DBR1: variants seen among roughly 807,000 people sequenced by gnomAD.
The protein encoded by DBR1 is lariat debranching enzyme.
A neutral mutation model predicts 45.9 loss-of-function variants in DBR1; 33 were observed. The observed-to-expected ratio is 0.72, with a 90% CI of 0.55 to 0.96. The LOEUF (loss-of-function observed/expected upper bound fraction) is 0.96, where lower values mean the gene tolerates loss of function less well. Among genes scored for constraint, DBR1 ranks in the 40% least tolerant of loss-of-function variants. The pLI is 0.00. For synonymous variants in DBR1, 235 were observed against 235.9 expected (o/e 1.00, Z 0.04); for missense variants, 619 against 667.4 (o/e 0.93, Z 0.80).
Position 138,173,634 on chromosome 3 carries a change from A to C in DBR1, c.198-8T>G, listed in dbSNP as rs1379131278. The C allele has an allele frequency of 1.2e-6, 2 of 1,608,932 alleles. No homozygotes were observed. The highest frequency in any genetic ancestry group is 1.7e-6 in the Non-Finnish European group (2 of 1,178,136). On this transcript the variant is annotated splice_region_variant and splice_polypyrimidine_tract_variant and intron_variant, in intron 1 of 7. Coordinates refer to ENST00000260803, the MANE Select transcript of DBR1 (RefSeq NM_016216.4). The stretch of plus-strand genomic sequence containing the variant: ...TTCTCTCCAGAGTAATACCTAGAAC[A>C]TAAGAGCAAAGTCAGTTACCACAAT...
chr3:138,169,694 G>C (rs1235964921), intron 4 of DBR1, among the ~76,000 whole-genome samples: 2 of 152,098 alleles, frequency 1.3e-5, no homozygotes, highest in Non-Finnish European at 2.9e-5. Flanking sequence ...CACTTTGGGA[G>C]GCCAAGGCAG....
rs763073205 is a variant in DBR1, at chr3:138,163,448, T to C, written c.842A>G (p.Tyr281Cys). The change falls in exon 7 of 8, where the codon TAT becomes TGT. Residue 281 changes from tyrosine (Y) to cysteine (C), a missense_variant. Transcript: ENST00000260803. ...GAGAATAGTGAGCCATTCAATATCATATTCCAAGTAATCAGGAGCACTGGG... is the reference window on the plus strand; with the variant it reads ...GAGAATAGTGAGCCATTCAATATCACATTCCAAGTAATCAGGAGCACTGGG... Reference protein sequence around the residue: ...HDPSAPDYLEYDIEWLTILRA... With the variant: ...HDPSAPDYLECDIEWLTILRA... The C allele has an allele frequency of 1.2e-6, 2 of 1,611,884 alleles. No homozygotes were observed. The highest frequency in any genetic ancestry group is 1.1e-5 in the South Asian group (1 of 90,968).
intron 4 of DBR1, among the ~76,000 whole-genome samples, chr3:138,168,291 G>C (rs996051838): frequency 1.3e-5 from 2 of 150,718 alleles, no homozygotes; most frequent in African/African-American, 4.9e-5. Context: ...GCCGAGGTGG[G>C]TGGATCGCCT....
Position 138,161,946 on chromosome 3 carries a change from C to A in DBR1, c.1578G>T (p.Lys526Asn). ...CAGCGTAAATGGCTTGATTCCTCCT[C>A]TTAATTTTCTTTCTTTGTTCAGGTT... ...EHEPEQRKKI[K>N]RRNQAIYAAV... Residue 526 changes from lysine to asparagine, a missense_variant, in exon 8 of 8, where the codon AAG (lysine) becomes AAT (asparagine). This residue lies in a region of DBR1 where 182 missense variants were observed against 196.1 expected (regional missense o/e 0.93). Transcript: ENST00000260803. 5.0e-6 allele frequency: 8 copies of A among 1,614,180 alleles called. No individual in the cohort carries two copies. Among genetic ancestry groups the A allele is most frequent in the Non-Finnish European group, 6.8e-6 (8 of 1,180,034 alleles).
chr3:138,164,939 G>T (rs2042923653), intron 5 of DBR1, among the ~76,000 whole-genome samples: 1 of 151,942 alleles, frequency 6.6e-6, no homozygotes, highest in Non-Finnish European at 1.5e-5. Flanking sequence ...GAGCCACCAT[G>T]CCAAAACATA....
At chr3:138,165,022 C>T (rs908973723) in intron 5 of DBR1, among the ~76,000 whole-genome samples, 6 of 150,954 alleles carry the variant, frequency 4.0e-5, no homozygotes, top group African/African-American at 9.8e-5. Flanking sequence ...CAGAAAGAAA[C>T]GTGGAAAGAA....
At chr3:138,167,544 C>A (rs1274385211) in intron 4 of DBR1, among the ~76,000 whole-genome samples, 1 of 152,178 alleles carries the variant, frequency 6.6e-6, no homozygotes, top group Admixed American at 6.5e-5. Flanking sequence ...AGTGGCAAGG[C>A]AAGGCAATGG....
chr3:138,165,128 A>C (rs987868669), intron 5 of DBR1, among the ~76,000 whole-genome samples: 17 of 152,188 alleles, frequency 1.1e-4, no homozygotes, highest in African/African-American at 3.9e-4. Flanking sequence ...TCTAAAAGGC[A>C]GTTGTGATCT....
chr3:138,167,668 G>T (rs545451608), intron 4 of DBR1, among the ~76,000 whole-genome samples: 6 of 152,156 alleles, frequency 3.9e-5, no homozygotes, highest in African/African-American at 1.4e-4. Flanking sequence ...ATTTTGGGCC[G>T]GGCGCGGTGG....
Position 138,161,578 on chromosome 3 carries a change from G to A in DBR1, c.*311C>T. 1 of 261,210 alleles carries A rather than the reference G, an allele frequency of 3.8e-6. No individual in the cohort carries two copies. 16.2% of individuals were successfully genotyped at this position (261,210 alleles called of 1,614,324 possible). A position where few individuals can be genotyped will look rare whatever the true frequency, so the allele number is the denominator to read the frequency against. On this transcript the variant is annotated 3_prime_UTR_variant, in exon 8 of 8. Transcript: ENST00000260803. ...AGTAAATTGTCGGCCAGGCACAGTG[G>A]CTCACGCCTGTAATCCCAGCACTTT...
intron 1 of DBR1, among the ~76,000 whole-genome samples, chr3:138,173,926 T>A (rs2042966673): frequency 6.8e-6 from 1 of 146,848 alleles, no homozygotes; most frequent in Non-Finnish European, 1.5e-5. Context: ...GAGGCTGAGG[T>A]GGGAGAATCG....
rs755768934 is a variant in DBR1 at position 138,173,582 on chromosome 3, A to G, written c.242T>C (p.Ile81Thr). Residue 81 changes from isoleucine (I) to threonine (T), a missense_variant, in exon 2 of 8, where the codon ATT becomes ACT. Physicochemically the swap from Ile to Thr is moderately conservative, Grantham distance 89. Around this residue, in one of 3 missense-constraint regions of DBR1, gnomAD observed 430 missense variants for 447.7 expected, o/e 0.96. Transcript: ENST00000260803. ...ATTTGAGGCTTCATGGTTTCCCCCA[A>G]TGAAGAGCGTGAGAACTGGAGCCTT... ...EKKAPVLTLF[I>T]GGNHEASNHL... 1.3e-5 allele frequency: 21 copies of G among 1,613,806 alleles called. No homozygotes were observed. Among genetic ancestry groups the G allele is most frequent in the African/African-American group, 2.7e-5 (2 of 74,924 alleles).
chr3:138,162,100 A>G lies in DBR1; in HGVS notation c.1424T>C (p.Met475Thr). ...FSDVRILPGS[M>T]IVSSDDTVDS... ...CACCGTATCATCAGAAGATACAATCATAGAGCCTGGCAAGATCCTGACATC... is the reference window on the plus strand; with the variant it reads ...CACCGTATCATCAGAAGATACAATCGTAGAGCCTGGCAAGATCCTGACATC... Residue 475 changes from methionine to threonine, a missense_variant, in exon 8 of 8, where the codon ATG (methionine) becomes ACG (threonine). Coordinates refer to ENST00000260803, the MANE Select transcript of DBR1 (RefSeq NM_016216.4). The G allele has an allele frequency of 2.5e-6, 4 of 1,614,208 alleles. No individual in the cohort carries two copies. The highest frequency in any genetic ancestry group is 1.6e-4 in the Middle Eastern group (1 of 6,062).
At position 138,162,110 on chromosome 3, in the gene DBR1, G is replaced by T. The variant is rs750382210; in HGVS notation, c.1414C>A (p.Pro472Thr). The change falls in exon 8 of 8, where the codon CCA becomes ACA. Residue 472 changes from proline (P) to threonine (T), a missense_variant. Pro to Thr is a conservative substitution (Grantham distance 38). Coordinates refer to ENST00000260803, the MANE Select transcript of DBR1 (RefSeq NM_016216.4). ...SASFSDVRILPGSMIVSSDDT... is the reference protein window; with the variant it reads ...SASFSDVRILTGSMIVSSDDT... ...TCAGAAGATACAATCATAGAGCCTGGCAAGATCCTGACATCAGAGAAACTT... is the reference window on the plus strand; with the variant it reads ...TCAGAAGATACAATCATAGAGCCTGTCAAGATCCTGACATCAGAGAAACTT... The T allele has an allele frequency of 5.0e-6, 8 of 1,613,992 alleles. No homozygotes were observed. The African/African-American group carries it at 9.3e-5, about 19-fold the overall frequency.
rs776955867 is a variant in DBR1 at position 138,161,899 on chromosome 3, T to A, written c.1625A>T (p.Asp542Val). The change falls in exon 8 of 8, where the codon GAT (aspartate) becomes GTT (valine). Residue 542 changes from aspartate (D) to valine (V), a missense_variant. Physicochemically the swap from Asp to Val is radical, Grantham distance 152. This residue lies in a region of DBR1 where 182 missense variants were observed against 196.1 expected (regional missense o/e 0.93). Coordinates refer to ENST00000260803, the MANE Select transcript of DBR1 (RefSeq NM_016216.4). ...IYAAVDDDDD[D>V]AA ...AACAAGTAAATCATCTTAAGCTGCATCGTCATCATCATCATCCACTGCAGC... is the reference window on the plus strand; with the variant it reads ...AACAAGTAAATCATCTTAAGCTGCAACGTCATCATCATCATCCACTGCAGC... The A allele has an allele frequency of 4.8e-6, 7 of 1,453,396 alleles. No homozygotes were observed. Among genetic ancestry groups the A allele is most frequent in the Non-Finnish European group, 6.6e-6 (7 of 1,067,342 alleles). The allele number at this position is 1,453,396 out of a possible 1,614,324, so 90.0% of individuals were successfully genotyped here. A position where few individuals can be genotyped will look rare whatever the true frequency, so the allele number is the denominator to read the frequency against.
intron 2 of DBR1, among the ~76,000 whole-genome samples, chr3:138,173,255 G>A (rs987717168): frequency 3.3e-5 from 5 of 151,730 alleles, no homozygotes. Context: ...AAAAATGAAG[G>A]GACTACAAAT....
At chr3:138,163,526 T>C (rs750134432) in intron 6 of DBR1, 32 bp from the exon 7 acceptor site, 2 of 1,364,222 alleles carry the variant, frequency 1.5e-6, no homozygotes, top group East Asian at 2.4e-5. Context: ...AAGAAATACA[T>C]ATATATTTGT....
Position 138,161,713 on chromosome 3 carries a change from G to T in DBR1, c.*176C>A. On this transcript the variant is annotated 3_prime_UTR_variant, in exon 8 of 8. Coordinates refer to ENST00000260803, the MANE Select transcript of DBR1 (RefSeq NM_016216.4). Reference sequence around the variant, plus strand: ...ATGCAAAAATTAGCCGGGTGTGGTGGCGGGCACCTGTAGTCCCACCTACTT... The same window carrying T: ...ATGCAAAAATTAGCCGGGTGTGGTGTCGGGCACCTGTAGTCCCACCTACTT... 1.8e-6 allele frequency: 1 copy of T among 562,416 alleles called. No homozygotes were observed. Among genetic ancestry groups the T allele is most frequent in the Non-Finnish European group, 3.2e-6 (1 of 313,340 alleles). 34.8% of individuals were successfully genotyped at this position (562,416 alleles called of 1,614,324 possible).
At chr3:138,164,089 A>C in intron 5 of DBR1, 1 of 354,680 alleles carries the variant, frequency 2.8e-6, no homozygotes, top group Non-Finnish European at 5.2e-6. Flanking sequence ...TCAAGGCAAA[A>C]ACTAATGATG....
Sources: allele counts gnomAD v4.1 joint callset (sites outside exome capture counted in the v4.1 genomes callset), GRCh38; gene constraint gnomAD v4.1.1; regional missense constraint gnomAD v4.1.1; transcripts MANE v1.5; gene names NCBI Gene and HGNC (gene_info 2026-07-23, HGNC 2026-07-21).